The following CELF2 variants were observed in gnomAD, a reference collection of about 807,000 sequenced individuals.
CELF2 encodes CUG triplet repeat RNA-binding protein 2.
Under a neutral mutation model 62.6 loss-of-function variants are expected in CELF2, and 8 were observed. The ratio of observed to expected loss-of-function variants is 0.13; its 90% CI spans 0.07 to 0.23. CELF2 has a LOEUF of 0.23. CELF2 is among the 10% of genes least tolerant of loss of function. The pLI, the probability that CELF2 is intolerant of heterozygous loss-of-function variation, is 1.00. For synonymous variants in CELF2, 258 were observed against 250.0 expected, an observed-to-expected ratio of 1.03 and a Z score of -0.30; for missense variants, 333 against 671.0, an observed-to-expected ratio of 0.50 and a Z score of 5.56.
At chr10:11,095,930 T>C (rs2049742989) in intron 1 of CELF2, among the ~76,000 whole-genome samples, 1 of 152,180 alleles carries the variant, frequency 6.6e-6, no homozygotes, top group East Asian at 1.9e-4. Flanking sequence ...AAAATATCCT[T>C]AGAATTTACA....
At chr10:11,052,767 C>A (rs767742717) in intron 1 of CELF2, among the ~76,000 whole-genome samples, 1 of 152,010 alleles carries the variant, frequency 6.6e-6, no homozygotes, top group Non-Finnish European at 1.5e-5. Context: ...AGTAGATGGC[C>A]CCATTATTAT....
the CELF2 span, among the ~76,000 whole-genome samples, chr10:10,718,901 A>G: frequency 6.6e-6 from 1 of 152,246 alleles, no homozygotes; most frequent in Non-Finnish European, 1.5e-5. Flanking sequence ...ATAATTATTC[A>G]AATATTTCCA....
chr10:11,217,226 T>C lies in CELF2; in HGVS notation c.272-199T>C, dbSNP rs2063584350. On this transcript the variant is annotated intron_variant, in intron 2 of 12. Coordinates refer to ENST00000633077, the MANE Select transcript of CELF2 (RefSeq NM_001326342.2). The surrounding 1 kb of genome is among the most constrained non-coding windows in gnomAD (Gnocchi z 5.6). ...CAGAGTCAGGAATTGATCTCCAACG[T>C]GGGTAAAGCTAATAAATATGATTTA... Among the ~76,000 whole-genome samples the C allele has an allele frequency of 6.6e-6, 1 of 152,200 alleles. No individual in the cohort carries two copies. Among genetic ancestry groups the C allele is most frequent in the Admixed American group, 6.5e-5 (1 of 15,280 alleles).
intron 1 of CELF2, among the ~76,000 whole-genome samples, chr10:10,904,519 C>T (rs999663932): frequency 6.6e-6 from 1 of 152,240 alleles, no homozygotes; most frequent in Non-Finnish European, 1.5e-5. Flanking sequence ...GCATAAGCCA[C>T]TGTGTCCAAC....
At chr10:10,889,376 T>C (rs1486517103) in intron 1 of CELF2, among the ~76,000 whole-genome samples, 1 of 152,236 alleles carries the variant, frequency 6.6e-6, no homozygotes, top group Non-Finnish European at 1.5e-5. Flanking sequence ...GGCAGCATGA[T>C]ACAAAACAGT....
chr10:10,679,480 G>A, the CELF2 span, among the ~76,000 whole-genome samples: 4 of 152,142 alleles, frequency 2.6e-5, 1 homozygote, highest in East Asian at 7.7e-4. Flanking sequence ...AGTAGAGATG[G>A]GGTTTCACCA....
rs114408678 is a variant in CELF2, at chr10:10,855,412, A to G, written c.53+56595A>G. ...AGGCCCAGCCTGCACGTCTAAATCC[A>G]TTGGCACTGGTGTGAAAACCAAGGA... On this transcript the variant is annotated intron_variant, in intron 1 of 13. Coordinates refer to the CELF2 transcript ENST00000636488. 4.7e-3 allele frequency among the ~76,000 whole-genome samples: 715 copies of G among 152,326 alleles called. 7 individuals carry two copies. Among genetic ancestry groups the G allele is most frequent in the African/African-American group, 0.016 (681 of 41,572 alleles).
the CELF2 span, among the ~76,000 whole-genome samples, chr10:10,749,596 C>A: frequency 6.6e-6 from 1 of 152,086 alleles, no homozygotes; most frequent in Admixed American, 6.6e-5. Context: ...AGCACCATTG[C>A]AAATTATATT....
At chr10:10,561,274 C>A in the CELF2 span, among the ~76,000 whole-genome samples, 1 of 152,176 alleles carries the variant, frequency 6.6e-6, no homozygotes, top group Non-Finnish European at 1.5e-5. Flanking sequence ...TCCAGCCACA[C>A]TCTGACCCAA....
chr10:11,178,502 CT>C lies in CELF2; in HGVS notation c.271+12824del, dbSNP rs1183474079. 6.6e-6 allele frequency among the ~76,000 whole-genome samples: 1 copy of C among 152,236 alleles called. No individual in the cohort carries two copies. Among genetic ancestry groups the C allele is most frequent in the Admixed American group, 6.5e-5 (1 of 15,288 alleles). On this transcript the variant is annotated intron_variant, in intron 2 of 12. Transcript: ENST00000633077. This position sits in a 1 kb window ranked among gnomAD's most constrained non-coding sequence, Gnocchi z 4.3. ...AGGTAATGAATAAATTAAAGACACA[CT>C]TTTGTAATCGTATATTTTAGGCTTT... is the stretch of plus-strand genomic sequence containing the variant.
chr10:10,852,579 AAC>A (rs1476125036), intron 1 of CELF2, among the ~76,000 whole-genome samples: 1 of 152,192 alleles, frequency 6.6e-6, no homozygotes, highest in Non-Finnish European at 1.5e-5. Context: ...AATGGAAGTA[AAC>A]ACACACAGAC....
the CELF2 span, among the ~76,000 whole-genome samples, chr10:10,640,981 A>C: frequency 6.6e-6 from 1 of 152,166 alleles, no homozygotes; most frequent in Non-Finnish European, 1.5e-5. Context: ...TAAGTCAATG[A>C]CATGAGTATG....
Position 11,319,267 on chromosome 10 carries a change from T to C in CELF2, c.1097-1922T>C, listed in dbSNP as rs1034012357. On this transcript the variant is annotated intron_variant, in intron 10 of 12. Transcript: ENST00000633077. The surrounding 1 kb of genome is among the most constrained non-coding windows in gnomAD (Gnocchi z 4.4). Reference sequence around the variant, plus strand: ...GCAGCGTCCAGCCCTTCCCGAGTTATTGTACATACCCCTCTCACCTATCTC... The same window carrying C: ...GCAGCGTCCAGCCCTTCCCGAGTTACTGTACATACCCCTCTCACCTATCTC... The C allele has an allele frequency of 8.0e-6, 3 of 373,200 alleles. No individual in the cohort carries two copies. The highest frequency in any genetic ancestry group is 1.5e-4 in the East Asian group (2 of 13,656). 23.1% of individuals were successfully genotyped at this position (373,200 alleles called of 1,614,324 possible). A position where few individuals can be genotyped will look rare whatever the true frequency, so the allele number is the denominator to read the frequency against.
chr10:10,505,193 T>C, the CELF2 span, among the ~76,000 whole-genome samples: 1 of 152,196 alleles, frequency 6.6e-6, no homozygotes. Context: ...CTGACATGCC[T>C]ATGTCAAGGA....
chr10:10,829,674 T>G (rs555420745), intron 1 of CELF2, among the ~76,000 whole-genome samples: 123 of 152,240 alleles, frequency 8.1e-4, no homozygotes, highest in Middle Eastern at 3.4e-3. Flanking sequence ...CTGAGTGCCT[T>G]TCTAGTAAAA....
chr10:10,823,977 G>A (rs922069980), intron 1 of CELF2, among the ~76,000 whole-genome samples: 3 of 152,066 alleles, frequency 2.0e-5, no homozygotes, highest in Admixed American at 2.0e-4. Flanking sequence ...ATGATAGATA[G>A]ATAGATAGAT....
At chr10:10,510,044 T>C in the CELF2 span, among the ~76,000 whole-genome samples, 1 of 152,252 alleles carries the variant, frequency 6.6e-6, no homozygotes. Context: ...AACCTATCTG[T>C]TCTTGCCTGT....
chr10:11,236,809 C>T (rs769552567), intron 3 of CELF2, among the ~76,000 whole-genome samples: 1 of 152,124 alleles, frequency 6.6e-6, no homozygotes, highest in Non-Finnish European at 1.5e-5. Flanking sequence ...TACGTGTGTA[C>T]GTGCATGAGA....
chr10:10,512,615 G>A, the CELF2 span, among the ~76,000 whole-genome samples: 21 of 151,894 alleles, frequency 1.4e-4, no homozygotes, highest in South Asian at 2.1e-4. Flanking sequence ...GGGTTTCACC[G>A]TGTTGGCCAG....
Sources: allele counts gnomAD v4.1 joint callset (sites outside exome capture counted in the v4.1 genomes callset), GRCh38; gene constraint gnomAD v4.1.1; non-coding constraint Gnocchi (gnomAD v3.1); transcripts MANE v1.5; gene names NCBI Gene and HGNC (gene_info 2026-07-23, HGNC 2026-07-21).